Variants in PHKA1 observed in about 807,000 individuals in gnomAD.
PHKA1 encodes the protein phosphorylase b kinase regulatory subunit alpha, skeletal muscle isoform.
PHKA1 carries 60 observed loss-of-function variants against 110.2 expected under a neutral mutation model. The ratio of observed to expected loss-of-function variants is 0.54; its 90% CI spans 0.44 to 0.68. The LOEUF (loss-of-function observed/expected upper bound fraction) is 0.68, where lower values mean the gene tolerates loss of function less well. Ranked by LOEUF, PHKA1 falls within the 30% of genes least tolerant of loss-of-function variation. The pLI, the probability that PHKA1 is intolerant of heterozygous loss-of-function variation, is 0.00. For synonymous variants in PHKA1, 316 were observed against 333.6 expected, an observed-to-expected ratio of 0.95 and a Z score of 0.58; for missense variants, 801 against 942.5, an observed-to-expected ratio of 0.85 and a Z score of 1.97.
chrX:72,685,565 A>G (rs1252184947), intron 4 of PHKA1, among the ~76,000 whole-genome samples: 2 of 112,160 alleles, frequency 1.8e-5, no homozygotes, highest in African/African-American at 6.4e-5. Flanking sequence ...ATATTTCATA[A>G]AATTTTATAC....
At chrX:72,674,219 G>T (rs1556310611) in intron 6 of PHKA1, among the ~76,000 whole-genome samples, 1 of 110,568 alleles carries the variant, frequency 9.0e-6, no homozygotes. Flanking sequence ...TTGGACATGT[G>T]GGTTGGTTCC....
intron 17 of PHKA1, among the ~76,000 whole-genome samples, chrX:72,626,120 C>T (rs1463395847): frequency 1.9e-5 from 2 of 106,091 alleles, no homozygotes; most frequent in Non-Finnish European, 3.9e-5. Context: ...GTAGTATGTA[C>T]GTGTGTGTGT....
chrX:72,663,835 C>T (rs2053588654), intron 8 of PHKA1, among the ~76,000 whole-genome samples: 1 of 107,152 alleles, frequency 9.3e-6, no homozygotes, highest in Admixed American at 1.0e-4. Context: ...TGGAAGTGAA[C>T]ATATGATAAC....
chrX:72,635,098 C>A (rs2147733364), intron 16 of PHKA1, 57 bp downstream of exon 16: 1 of 1,181,479 alleles, frequency 8.5e-7, no homozygotes, highest in East Asian at 3.0e-5. Context: ...TGTTGAAGGG[C>A]TAAATCTATG....
chrX:72,581,622 A>G (rs888568969), intron 31 of PHKA1, among the ~76,000 whole-genome samples: 3 of 111,857 alleles, frequency 2.7e-5, no homozygotes, highest in Admixed American at 9.5e-5. Flanking sequence ...AAATAGACTA[A>G]GTTTTCTGAG....
At chrX:72,589,657 A>G (rs1377631173) in intron 29 of PHKA1, among the ~76,000 whole-genome samples, 1 of 108,535 alleles carries the variant, frequency 9.2e-6, no homozygotes, top group African/African-American at 3.3e-5. Context: ...TGCACATGAC[A>G]TGATTGTATA....
At chrX:72,679,935 C>A (rs2053825352) in intron 5 of PHKA1, among the ~76,000 whole-genome samples, 1 of 110,844 alleles carries the variant, frequency 9.0e-6, no homozygotes, top group Non-Finnish European at 1.9e-5. Context: ...CTAAATGGAC[C>A]CTAAATAGAA....
At chrX:72,681,344 A>G (rs1393521426) in intron 5 of PHKA1, among the ~76,000 whole-genome samples, 7 of 107,001 alleles carry the variant, frequency 6.5e-5, no homozygotes, top group Non-Finnish European at 1.4e-4. Flanking sequence ...GCCCCGTCTG[A>G]GAAGTGAGGA....
chrX:72,714,205 C>A lies in PHKA1; in HGVS notation c.-325G>T. The stretch of plus-strand genomic sequence containing the variant: ...TGTGACTCCTGCATCCTCCCCTCAA[C>A]CCCGGGAGACCGCCGCGGCCCACAG... On this transcript the variant is annotated 5_prime_UTR_variant, in exon 1 of 32. Transcript: ENST00000373542. 4.3e-6 allele frequency: 1 copy of A among 230,740 alleles called. No homozygotes were observed. Among genetic ancestry groups the A allele is most frequent in the Non-Finnish European group, 7.8e-6 (1 of 128,168 alleles). The allele number at this position is 230,740 out of a possible 1,213,427, so 19.0% of individuals were successfully genotyped here. A position where few individuals can be genotyped will look rare whatever the true frequency, so the allele number is the denominator to read the frequency against.
intron 21 of PHKA1, among the ~76,000 whole-genome samples, chrX:72,614,677 A>G (rs149146606): frequency 0.015 from 1,685 of 111,924 alleles, 18 homozygotes; most frequent in Non-Finnish European, 0.023. Context: ...GTAAGGGAAG[A>G]GCAATGGTAA....
intron 28 of PHKA1, among the ~76,000 whole-genome samples, chrX:72,601,049 TC>T (rs2052651873): frequency 9.0e-6 from 1 of 111,217 alleles, no homozygotes; most frequent in South Asian, 3.8e-4. Context: ...CCACATGACT[TC>T]CTAGAGTTTT....
At chrX:72,588,693 A>G (rs1415629477) in intron 29 of PHKA1, among the ~76,000 whole-genome samples, 1 of 111,741 alleles carries the variant, frequency 8.9e-6, no homozygotes, top group Non-Finnish European at 1.9e-5. Context: ...ACACTAACAA[A>G]GAAGAAAAGA....
intron 2 of PHKA1, among the ~76,000 whole-genome samples, chrX:72,709,266 A>C (rs782396655): frequency 9.0e-6 from 1 of 110,612 alleles, no homozygotes; most frequent in South Asian, 3.9e-4. Context: ...TGATGGTACC[A>C]TGAATGCAAA....
At chrX:72,710,357 A>T (rs924540364) in intron 2 of PHKA1, among the ~76,000 whole-genome samples, 47 of 111,930 alleles carry the variant, frequency 4.2e-4, no homozygotes, top group African/African-American at 1.4e-3. Flanking sequence ...GAATTTGAGT[A>T]TGCAGAGATT....
At position 72,581,136 on chromosome X, in the gene PHKA1, G is replaced by T. The variant is rs367578548; in HGVS notation, c.3538C>A (p.Pro1180Thr). The T allele has an allele frequency of 9.2e-6, 11 of 1,198,298 alleles. No homozygotes were observed. The highest frequency in any genetic ancestry group is 1.8e-5 in the African/African-American group (1 of 56,853). Reference sequence around the variant, plus strand: ...AGAAGAGTACAGATGCCAGATGCGGGATCCTTTGCCAACATGGTATCATCT... The same window carrying T: ...AGAAGAGTACAGATGCCAGATGCGGTATCCTTTGCCAACATGGTATCATCT... Reference protein sequence around the residue: ...GADDTMLAKDPASGICTLLYD... With the variant: ...GADDTMLAKDTASGICTLLYD... The change falls in exon 32 of 32, where the codon CCC becomes ACC. Residue 1180 changes from proline to threonine, a missense_variant. Transcript: ENST00000373542.
At chrX:72,634,915 A>G (rs2053211532) in intron 16 of PHKA1, among the ~76,000 whole-genome samples, 1 of 112,164 alleles carries the variant, frequency 8.9e-6, no homozygotes, top group East Asian at 2.8e-4. Context: ...TATGTATTAC[A>G]TATAGTCTGT....
At chrX:72,642,634 G>A (rs1283859956) in intron 14 of PHKA1, among the ~76,000 whole-genome samples, 1 of 110,582 alleles carries the variant, frequency 9.0e-6, no homozygotes, top group Non-Finnish European at 1.9e-5. Flanking sequence ...TCTGGGAAGG[G>A]GTGAGGTATG....
intron 29 of PHKA1, among the ~76,000 whole-genome samples, chrX:72,589,489 T>C (rs1265937092): frequency 1.8e-5 from 2 of 111,459 alleles, no homozygotes; most frequent in Non-Finnish European, 3.8e-5. Flanking sequence ...TGGGCAAAAA[T>C]TGGAAGCATT....
At chrX:72,682,934 T>TAAAAAAAAAAAAAAAA (rs1164416043) in intron 5 of PHKA1, among the ~76,000 whole-genome samples, 2 of 63,859 alleles carry the variant, frequency 3.1e-5, no homozygotes, top group East Asian at 5.9e-4. Context: ...AAAAATAAAT[T>TAAAAAAAAAAAAAAAA]AAAAAAAAAA....
Sources: allele counts gnomAD v4.1 joint callset (sites outside exome capture counted in the v4.1 genomes callset), GRCh38; gene constraint gnomAD v4.1.1; transcripts MANE v1.5; gene names NCBI Gene and HGNC (gene_info 2026-07-23, HGNC 2026-07-21).